Variants in RPA1 observed in about 807,000 individuals in gnomAD.
RPA1 encodes the protein replication protein A 70 kDa DNA-binding subunit.
RPA1 carries 49 observed loss-of-function variants against 83.0 expected under a neutral mutation model. That is an observed-to-expected ratio of 0.59 (90% CI 0.47 to 0.75). The LOEUF is 0.75. Ranked by LOEUF, RPA1 falls within the 30% of genes least tolerant of loss-of-function variation. The probability of loss-of-function intolerance (pLI) is 0.00; values close to 1 mark genes in which losing one functional copy is unlikely to be tolerated. For synonymous variants in RPA1, 279 were observed against 281.8 expected, an observed-to-expected ratio of 0.99 and a Z score of 0.10; for missense variants, 693 against 776.1, an observed-to-expected ratio of 0.89 and a Z score of 1.27.
At chr17:1,849,289 CTTTTTTTTTTT>C (rs61062085) in intron 4 of RPA1, among the ~76,000 whole-genome samples, 54 of 116,318 alleles carry the variant, frequency 4.6e-4, no homozygotes, top group African/African-American at 1.8e-3. Context: ...GTTGGCTGTT[CTTTTTTTTTTT>C]TTTTTTTTTT....
At chr17:1,861,419 AG>A (rs1912964627) in intron 5 of RPA1, among the ~76,000 whole-genome samples, 1 of 151,628 alleles carries the variant, frequency 6.6e-6, no homozygotes, top group Non-Finnish European at 1.5e-5. Context: ...TGGTGGGGGG[AG>A]GGGGTTATGT....
At chr17:1,850,511 T>A (rs1912452322) in intron 4 of RPA1, among the ~76,000 whole-genome samples, 1 of 149,062 alleles carries the variant, frequency 6.7e-6, no homozygotes, top group Admixed American at 6.8e-5. Flanking sequence ...TACTCTAGCC[T>A]GGGTGACAGA....
Position 1,842,817 on chromosome 17 carries a change from G to A in RPA1, c.48G>A (p.Lys16=), listed in dbSNP as rs55880817. The A allele has an allele frequency of 4.1e-4, 658 of 1,614,054 alleles. 6 individuals carry two copies. The East Asian group carries it at 0.01, about 26-fold the overall frequency. The part of the protein sequence containing the change: ...SEGAIAAIMQ[K]GDTNIKPILQ... ...TACTCCCTCAGGCCATCATGCAGAA[G>A]GGGGATACAAACATAAAGCCCATCC... is the stretch of plus-strand genomic sequence containing the variant. The change falls in exon 2 of 17, where the codon AAG becomes AAA. Residue 16 remains lysine (K), a synonymous_variant. Coordinates refer to ENST00000254719, the MANE Select transcript of RPA1 (RefSeq NM_002945.5).
intron 16 of RPA1, among the ~76,000 whole-genome samples, chr17:1,896,219 C>T (rs969483236): frequency 2.6e-5 from 4 of 152,206 alleles, no homozygotes; most frequent in Non-Finnish European, 5.9e-5. Context: ...GGCAGCCTGA[C>T]TTCAGAGCTT....
chr17:1,854,641 C>T (rs1222151405), intron 5 of RPA1, among the ~76,000 whole-genome samples: 1 of 152,100 alleles, frequency 6.6e-6, no homozygotes, highest in Non-Finnish European at 1.5e-5. Flanking sequence ...GAGGTTGAGG[C>T]TGCAGTCAGC....
chr17:1,854,606 A>G (rs1232815644), intron 5 of RPA1, among the ~76,000 whole-genome samples: 1 of 152,054 alleles, frequency 6.6e-6, no homozygotes, highest in Non-Finnish European at 1.5e-5. Flanking sequence ...TGGGAGGATG[A>G]GGTGGGGGGA....
chr17:1,899,124 G>A lies in RPA1; in HGVS notation c.*1949G>A, dbSNP rs17292622. 0.21 allele frequency: 32,367 copies of A among 152,800 alleles called. 3,451 individuals carry two copies. Among genetic ancestry groups the A allele is most frequent in the East Asian group, 0.27 (1,408 of 5,162 alleles). The allele number at this position is 152,800 out of a possible 1,614,324, so 9.5% of individuals were successfully genotyped here. On this transcript the variant is annotated 3_prime_UTR_variant, in exon 17 of 17. Transcript: ENST00000254719. ...AGCACGTCTCCGTGGATGTGATTGG[G>A]AACCCAGGGGCAGTGCCAGGGGGAG...
intron 13 of RPA1, among the ~76,000 whole-genome samples, chr17:1,885,085 A>G (rs1033680304): frequency 3.3e-5 from 5 of 152,136 alleles, no homozygotes; most frequent in Admixed American, 6.5e-5. Context: ...CCACAGGAGA[A>G]CTTTTTCAAA....
intron 15 of RPA1, among the ~76,000 whole-genome samples, chr17:1,892,295 A>G (rs983372503): frequency 1.3e-5 from 2 of 152,024 alleles, no homozygotes; most frequent in Non-Finnish European, 2.9e-5. Context: ...GTGAGCCACC[A>G]CACCTTGCCC....
chr17:1,865,569 T>C (rs972154567), intron 5 of RPA1, among the ~76,000 whole-genome samples: 8 of 152,212 alleles, frequency 5.3e-5, no homozygotes, highest in African/African-American at 7.2e-5. Flanking sequence ...TTTAAAGTTA[T>C]AGCTACCGAA....
At chr17:1,838,225 A>G (rs540826180) in intron 1 of RPA1, among the ~76,000 whole-genome samples, 10 of 152,004 alleles carry the variant, frequency 6.6e-5, no homozygotes, top group African/African-American at 1.9e-4. Flanking sequence ...CGGGAGGCGG[A>G]GCTTGTAGTG....
chr17:1,875,939 T>TG, intron 7 of RPA1, 146 bp downstream of exon 7: 8 of 777,834 alleles, frequency 1.0e-5, no homozygotes, highest in Non-Finnish European at 1.3e-5. Flanking sequence ...TTTTTTTTTT[T>TG]TGCTGAGGAG....
intron 5 of RPA1, among the ~76,000 whole-genome samples, chr17:1,862,918 A>C (rs1224151283): frequency 2.6e-5 from 4 of 151,822 alleles, no homozygotes; most frequent in African/African-American, 9.7e-5. Flanking sequence ...AAGTTTCACC[A>C]TGTTGGCCAG....
In RPA1 at chr17:1,884,050, C is replaced by G. The variant is rs949223047; in HGVS notation, c.1374+106C>G. On this transcript the variant is annotated intron_variant, in intron 13 of 16. Coordinates refer to ENST00000254719, the MANE Select transcript of RPA1 (RefSeq NM_002945.5). This position sits in a 1 kb window ranked among gnomAD's most constrained non-coding sequence, Gnocchi z 4.1. ...CAGCTGTCAGAGCCGTAATTCTTAC[C>G]CGGGGCTGTGACCTGAGCGTGGCAT... 5 of 1,497,648 alleles carry G rather than the reference C, an allele frequency of 3.3e-6. No homozygotes were observed. In the African/African-American group the frequency reaches 6.9e-5, roughly 21 times the overall value. 92.8% of individuals were successfully genotyped at this position (1,497,648 alleles called of 1,614,324 possible).
rs1914468288 is a variant in RPA1, at chr17:1,897,121, CAG to C, written c.1802_1803del (p.Glu601ValfsTer53). 2 of 1,572,462 alleles carry C rather than the reference CAG, an allele frequency of 1.3e-6. No homozygotes were observed. The highest frequency in any genetic ancestry group is 1.7e-6 in the Non-Finnish European group (2 of 1,158,544). ...TGATGGACGTGAAGCCCGTGGACTA[CAG>C]AGAGTATGGCCGAAGGCTGGTCATG... is the stretch of plus-strand genomic sequence containing the variant. ...TVMDVKPVDY[R>X]EYGRRLVMSI... On this transcript the variant is annotated frameshift_variant, in exon 17 of 17. Coordinates refer to ENST00000254719, the MANE Select transcript of RPA1 (RefSeq NM_002945.5). LOFTEE classifies it high-confidence loss of function.
At chr17:1,831,614 T>C (rs1911594687) in intron 1 of RPA1, among the ~76,000 whole-genome samples, 1 of 151,740 alleles carries the variant, frequency 6.6e-6, no homozygotes, top group Non-Finnish European at 1.5e-5. Context: ...TTTTTTTTTT[T>C]TTGAGCTGGA....
intron 6 of RPA1, among the ~76,000 whole-genome samples, chr17:1,874,830 G>A (rs943836194): frequency 2.6e-5 from 4 of 152,322 alleles, no homozygotes; most frequent in African/African-American, 7.2e-5. Context: ...GGCACATGCC[G>A]TGGAAACCCA....
chr17:1,845,196 AC>A (rs1425894812), intron 4 of RPA1, among the ~76,000 whole-genome samples: 1 of 137,712 alleles, frequency 7.3e-6, no homozygotes, highest in African/African-American at 3.3e-5. Flanking sequence ...GTGTGTGTGT[AC>A]AATCTTGAAT....
chr17:1,842,487 TTAATG>T (rs1912088434), intron 1 of RPA1, among the ~76,000 whole-genome samples: 1 of 152,216 alleles, frequency 6.6e-6, no homozygotes, highest in Non-Finnish European at 1.5e-5. Flanking sequence ...TATTATCTCT[TTAATG>T]TATATAGGAT....
Sources: gnomAD v4.1 joint callset for allele counts (sites outside exome capture counted in the v4.1 genomes callset) on GRCh38, gnomAD v4.1.1 for gene constraint, Gnocchi (gnomAD v3.1) non-coding constraint, MANE v1.5 for transcripts, NCBI Gene and HGNC (gene_info 2026-07-23, HGNC 2026-07-21) for gene names.